Variants in CKAP2L observed in about 807,000 individuals in gnomAD.
The protein encoded by CKAP2L is cytoskeleton associated protein 2L.
CKAP2L carries 42 observed loss-of-function variants against 65.7 expected under a neutral mutation model. The observed-to-expected ratio is 0.64, with a 90% CI of 0.50 to 0.83. The LOEUF (loss-of-function observed/expected upper bound fraction) is 0.83, where lower values mean the gene tolerates loss of function less well. Ranked by LOEUF, CKAP2L falls within the 40% of genes least tolerant of loss-of-function variation. CKAP2L has a pLI of 0.00. For missense variants in CKAP2L, 908 were observed against 871.0 expected (o/e 1.04, Z -0.53); for synonymous variants, 325 against 313.5 (o/e 1.04, Z -0.39).
intron 2 of CKAP2L, 29 bp downstream of exon 2, chr2:112,762,474 C>T (rs1232191505): frequency 1.3e-6 from 2 of 1,594,368 alleles, no homozygotes; most frequent in South Asian, 1.1e-5. Context: ...GGCAACAAAA[C>T]TTGCGTAACT....
At chr2:112,739,422 A>C (rs1198873080) in intron 8 of CKAP2L, among the ~76,000 whole-genome samples, 2 of 151,930 alleles carry the variant, frequency 1.3e-5, no homozygotes, top group East Asian at 3.9e-4. Flanking sequence ...CCCCAGTCTC[A>C]AAAAAAAGGC....
At chr2:112,745,265 T>C (rs1028412385) in intron 6 of CKAP2L, among the ~76,000 whole-genome samples, 3 of 152,078 alleles carry the variant, frequency 2.0e-5, no homozygotes, top group African/African-American at 7.2e-5. Flanking sequence ...AATTATATAA[T>C]AAATACTCAG....
intron 5 of CKAP2L, among the ~76,000 whole-genome samples, chr2:112,749,951 T>G (rs1413202701): frequency 6.6e-6 from 1 of 152,124 alleles, no homozygotes; most frequent in Non-Finnish European, 1.5e-5. Context: ...CAGTAACAGT[T>G]GGTTCTAGCA....
In CKAP2L at chr2:112,764,546, C is replaced by G. The variant is rs1240035907; in HGVS notation, c.37+16G>C. On this transcript the variant is annotated intron_variant, in intron 1 of 8. Transcript: ENST00000302450. ...TTCCAACGCCTGAGAATAACGGGAA[C>G]AGCGGTCGTACTCACCGACAGCGGC... is the stretch of plus-strand genomic sequence containing the variant. 6 of 1,613,942 alleles carry G rather than the reference C, an allele frequency of 3.7e-6. No homozygotes were observed. The highest frequency in any genetic ancestry group is 5.1e-6 in the Non-Finnish European group (6 of 1,179,890).
At position 112,737,810 on chromosome 2, in the gene CKAP2L, C is replaced by A. The variant is rs1199144672; in HGVS notation, c.*1013G>T. ...AACTGGTATATCCTTAGACAAACTC[C>A]TAATTCTCTATGCAAAGCCATTATC... On this transcript the variant is annotated 3_prime_UTR_variant, in exon 9 of 9. Transcript: ENST00000302450. 6.6e-6 allele frequency: 1 copy of A among 152,114 alleles called. No homozygotes were observed. The highest frequency in any genetic ancestry group is 1.5e-5 in the Non-Finnish European group (1 of 68,028). The allele number at this position is 152,114 out of a possible 1,614,324, so 9.4% of individuals were successfully genotyped here. A position where few individuals can be genotyped will look rare whatever the true frequency, so the allele number is the denominator to read the frequency against.
chr2:112,746,680 T>C (rs977796786), intron 5 of CKAP2L, 105 bp from the exon 6 acceptor site: 2 of 817,912 alleles, frequency 2.4e-6, no homozygotes, highest in Admixed American at 5.6e-5. Flanking sequence ...GTTTGATCAC[T>C]AATATTTTTG....
chr2:112,747,699 T>C (rs1680246022), intron 5 of CKAP2L, among the ~76,000 whole-genome samples: 1 of 152,202 alleles, frequency 6.6e-6, no homozygotes, highest in Admixed American at 6.5e-5. Flanking sequence ...CAGCACCTTC[T>C]ACTGCTAGAA....
chr2:112,741,510 G>GA (rs1679963782), intron 7 of CKAP2L, among the ~76,000 whole-genome samples: 1 of 152,216 alleles, frequency 6.6e-6, no homozygotes. Context: ...TCACCAAAAT[G>GA]AAAGGAAGGA....
intron 6 of CKAP2L, 90 bp downstream of exon 6, chr2:112,746,330 C>T: frequency 8.9e-7 from 1 of 1,118,926 alleles, no homozygotes. Context: ...ATTGATGTTG[C>T]AAACTTCTAA....
In CKAP2L at chr2:112,738,641, T is replaced by C; in HGVS notation, c.*182A>G. ...AACTGGCAAACTGGTCTTAAACACA[T>C]AAAGCAAAGATTTTCCCATGGGGAG... On this transcript the variant is annotated 3_prime_UTR_variant, in exon 9 of 9. Transcript: ENST00000302450. The C allele has an allele frequency of 1.7e-6, 1 of 599,980 alleles. No individual in the cohort carries two copies. The highest frequency in any genetic ancestry group is 3.0e-6 in the Non-Finnish European group (1 of 338,494). The allele number at this position is 599,980 out of a possible 1,614,324, so 37.2% of individuals were successfully genotyped here.
chr2:112,753,734 G>A (rs114164633), intron 4 of CKAP2L, among the ~76,000 whole-genome samples: 2,974 of 151,930 alleles, frequency 0.02, 96 homozygotes, highest in African/African-American at 0.068. Context: ...CACAATGTTG[G>A]CTAAACCGGT....
chr2:112,739,173 T>G (rs1384785154), intron 8 of CKAP2L, 125 bp from the exon 9 acceptor site: 2 of 739,320 alleles, frequency 2.7e-6, no homozygotes, highest in Admixed American at 2.8e-5. Flanking sequence ...ACAAGAGATA[T>G]GTCTAGAGCA....
At chr2:112,742,801 TAA>T (rs1223768467) in intron 6 of CKAP2L, 32 bp from the exon 7 acceptor site, 1 of 1,533,128 alleles carries the variant, frequency 6.5e-7, no homozygotes. Context: ...TACAAAATCT[TAA>T]AAACATTCAT....
intron 1 of CKAP2L, chr2:112,763,765 G>A (rs1680804922): frequency 6.6e-6 from 1 of 152,208 alleles, no homozygotes; most frequent in Non-Finnish European, 1.5e-5. Flanking sequence ...TATCCTTAGA[G>A]ACAGCTTGGC....
intron 5 of CKAP2L, among the ~76,000 whole-genome samples, chr2:112,746,792 ATTAT>A (rs1229437133): frequency 2.0e-5 from 3 of 151,950 alleles, no homozygotes; most frequent in African/African-American, 7.3e-5. Context: ...AATAATAATT[ATTAT>A]TTTTTTTTTG....
intron 8 of CKAP2L, among the ~76,000 whole-genome samples, chr2:112,739,559 T>C (rs995537314): frequency 1.2e-4 from 18 of 152,244 alleles, no homozygotes; most frequent in African/African-American, 4.3e-4. Flanking sequence ...GCAGTTGGTG[T>C]TCATTTATTC....
chr2:112,742,296 T>C (rs1680029810), intron 7 of CKAP2L: 6 of 694,792 alleles, frequency 8.6e-6, no homozygotes, highest in South Asian at 3.2e-5. Context: ...GGTCATCCAA[T>C]TGAAGAGATT....
intron 8 of CKAP2L, among the ~76,000 whole-genome samples, chr2:112,739,808 G>A (rs1194519376): frequency 6.6e-6 from 1 of 152,154 alleles, no homozygotes; most frequent in Non-Finnish European, 1.5e-5. Context: ...ACGTATGCCA[G>A]CATGCCTGGC....
At position 112,736,805 on chromosome 2, in the gene CKAP2L, T is replaced by C. The variant is rs1204512882; in HGVS notation, c.*2018A>G. ...CAAGGATGAATACTATTCCACGGCA[T>C]GCATATGCCGTATTTTCTTTATTTG... On this transcript the variant is annotated 3_prime_UTR_variant, in exon 9 of 9. Coordinates refer to ENST00000302450, the MANE Select transcript of CKAP2L (RefSeq NM_152515.5). 3 of 152,268 alleles carry C rather than the reference T, an allele frequency of 2.0e-5. No homozygotes were observed. Among genetic ancestry groups the C allele is most frequent in the East Asian group, 1.9e-4 (1 of 5,200 alleles). 9.4% of individuals were successfully genotyped at this position (152,268 alleles called of 1,614,324 possible). A position where few individuals can be genotyped will look rare whatever the true frequency, so the allele number is the denominator to read the frequency against.
Sources: gnomAD v4.1 joint callset for allele counts (sites outside exome capture counted in the v4.1 genomes callset) on GRCh38, gnomAD v4.1.1 for gene constraint, MANE v1.5 for transcripts, NCBI Gene and HGNC (gene_info 2026-07-23, HGNC 2026-07-21) for gene names.